NAALADL2: variants seen among roughly 807,000 people sequenced by gnomAD.
The protein encoded by NAALADL2 is N-acetylated alpha-linked acidic dipeptidase like 2.
NAALADL2 carries 76 observed loss-of-function variants against 87.2 expected under a neutral mutation model. That is an observed-to-expected ratio of 0.87 (90% CI 0.72 to 1.05). The LOEUF is 1.05. NAALADL2 is among the 50% of genes least tolerant of loss of function. The pLI is 0.00. For missense variants in NAALADL2, 1,089 were observed against 945.8 expected (o/e 1.15, Z -1.99); for synonymous variants, 354 against 331.0 (o/e 1.07, Z -0.75).
chr3:175,013,719 A>G (rs561319520), intron 1 of NAALADL2, among the ~76,000 whole-genome samples: 3 of 152,016 alleles, frequency 2.0e-5, no homozygotes, highest in Non-Finnish European at 4.4e-5. Context: ...ATGTTTTCTG[A>G]CTTTCTAGTC....
At chr3:175,242,943 G>A (rs746791836) in intron 3 of NAALADL2, among the ~76,000 whole-genome samples, 1 of 152,106 alleles carries the variant, frequency 6.6e-6, no homozygotes, top group Non-Finnish European at 1.5e-5. Flanking sequence ...CTGTAAGATA[G>A]ACTGGAACAA....
intron 9 of NAALADL2, among the ~76,000 whole-genome samples, chr3:175,573,920 A>G (rs1397374653): frequency 1.3e-5 from 2 of 152,344 alleles, no homozygotes; most frequent in South Asian, 4.1e-4. Flanking sequence ...AATCAGCCAA[A>G]ATAGTTGTAA....
intron 2 of NAALADL2, among the ~76,000 whole-genome samples, chr3:174,572,843 G>A (rs73042636): frequency 0.023 from 3,505 of 152,202 alleles, 160 homozygotes; most frequent in African/African-American, 0.08. Flanking sequence ...TAGAATGTTT[G>A]GAATGCAAGG....
rs1439552348 is a variant in NAALADL2, at chr3:175,234,027, T to C, written c.642T>C (p.Phe214=). The C allele has an allele frequency of 6.2e-7, 1 of 1,613,918 alleles. No individual in the cohort carries two copies. Among genetic ancestry groups the C allele is most frequent in the South Asian group, 1.1e-5 (1 of 91,080 alleles). ...CTTTGGGCCTAGAAGATGTACAGTT[T>C]GTAAATTACTCTGTGCTGCTTGATC... The part of the protein sequence containing the change: ...WTSLGLEDVQ[F]VNYSVLLDLP... The change falls in exon 3 of 14, where the codon TTT becomes TTC. Residue 214 remains phenylalanine, a synonymous_variant. Coordinates refer to ENST00000454872, the MANE Select transcript of NAALADL2 (RefSeq NM_207015.3).
In NAALADL2 at chr3:175,257,382, A is replaced by G. The variant is rs376641292; in HGVS notation, c.939+852A>G. On this transcript the variant is annotated intron_variant, in intron 4 of 13. Coordinates refer to ENST00000454872, the MANE Select transcript of NAALADL2 (RefSeq NM_207015.3). ...AACATCCTATGTCTGTTTTTTTTTT[A>G]TTATCTTCCAATAATACTCTTATCC... Among the ~76,000 whole-genome samples the G allele has an allele frequency of 2.9e-5, 4 of 137,634 alleles. No homozygotes were observed. The East Asian group carries it at 8.2e-4, about 28-fold the overall frequency. 90.3% of individuals were successfully genotyped at this position (137,634 alleles called of 152,430 possible). A position where few individuals can be genotyped will look rare whatever the true frequency, so the allele number is the denominator to read the frequency against.
intron 4 of NAALADL2, among the ~76,000 whole-genome samples, chr3:175,288,967 G>A (rs1755312733): frequency 6.6e-6 from 1 of 152,130 alleles, no homozygotes; most frequent in South Asian, 2.1e-4. Context: ...TCTTCCGAAA[G>A]TGATAAAATA....
chr3:175,337,672 G>A (rs76765576), intron 5 of NAALADL2, among the ~76,000 whole-genome samples: 2,358 of 152,230 alleles, frequency 0.015, 21 homozygotes, highest in Non-Finnish European at 0.025. Context: ...ATCTCACTCA[G>A]TATTGTTCTG....
chr3:174,712,188 C>T (rs1200932428), intron 2 of NAALADL2, among the ~76,000 whole-genome samples: 1 of 152,008 alleles, frequency 6.6e-6, no homozygotes, highest in Non-Finnish European at 1.5e-5. Flanking sequence ...TATTGATTCT[C>T]AATATAATCT....
chr3:174,887,779 G>C (rs992623897), intron 1 of NAALADL2, among the ~76,000 whole-genome samples: 2 of 151,220 alleles, frequency 1.3e-5, no homozygotes, highest in African/African-American at 4.9e-5. Context: ...TTGGGCAACA[G>C]AGCGATACCC....
intron 1 of NAALADL2, among the ~76,000 whole-genome samples, chr3:174,464,146 T>G (rs1490196562): frequency 6.6e-6 from 1 of 152,094 alleles, no homozygotes; most frequent in Non-Finnish European, 1.5e-5. Flanking sequence ...ATTATTATTT[T>G]TAAATATTGG....
intron 1 of NAALADL2, among the ~76,000 whole-genome samples, chr3:174,931,026 G>T (rs937215032): frequency 7.4e-4 from 112 of 152,160 alleles, no homozygotes; most frequent in African/African-American, 2.5e-3. Context: ...TCAGGTTCTT[G>T]ATGAGAGGTA....
At chr3:174,734,108 C>T (rs1235437334) in intron 2 of NAALADL2, among the ~76,000 whole-genome samples, 1 of 152,060 alleles carries the variant, frequency 6.6e-6, no homozygotes, top group Non-Finnish European at 1.5e-5. Flanking sequence ...GAGCAGAAAC[C>T]CACATTTGTA....
chr3:175,037,526 G>A (rs143071962), intron 1 of NAALADL2, among the ~76,000 whole-genome samples: 283 of 152,226 alleles, frequency 1.9e-3, no homozygotes, highest in African/African-American at 6.4e-3. Flanking sequence ...ACTAGCTGGG[G>A]TTAACCCTTG....
chr3:175,638,634 T>A (rs1285513261), intron 11 of NAALADL2, among the ~76,000 whole-genome samples: 4 of 152,218 alleles, frequency 2.6e-5, no homozygotes, highest in African/African-American at 9.6e-5. Context: ...CGGTACTAGT[T>A]ATTAGGATCC....
chr3:174,667,939 C>A (rs1726130377), intron 2 of NAALADL2, among the ~76,000 whole-genome samples: 1 of 151,858 alleles, frequency 6.6e-6, no homozygotes, highest in Non-Finnish European at 1.5e-5. Flanking sequence ...TTTGAGAAAT[C>A]TTTATTTTTT....
intron 5 of NAALADL2, among the ~76,000 whole-genome samples, chr3:175,353,108 ATG>A (rs113022824): frequency 0.13 from 19,411 of 144,658 alleles, 1,263 homozygotes; most frequent in Non-Finnish European, 0.16. Context: ...ATTTAATAAA[ATG>A]TGTGTGTGTG....
At chr3:175,562,688 G>T (rs1269328316) in intron 9 of NAALADL2, among the ~76,000 whole-genome samples, 1 of 151,872 alleles carries the variant, frequency 6.6e-6, no homozygotes, top group Non-Finnish European at 1.5e-5. Flanking sequence ...ATTAAAAAAT[G>T]CATGATAGAA....
intron 3 of NAALADL2, among the ~76,000 whole-genome samples, chr3:174,833,142 T>C (rs1488801609): frequency 6.6e-6 from 1 of 152,204 alleles, no homozygotes; most frequent in Non-Finnish European, 1.5e-5. Context: ...TCATTTGTTA[T>C]ATAAGTTCTA....
chr3:174,908,399 A>G (rs1246770738), intron 1 of NAALADL2, among the ~76,000 whole-genome samples: 6 of 152,088 alleles, frequency 3.9e-5, no homozygotes, highest in African/African-American at 1.4e-4. Context: ...ACTGGCCAGT[A>G]TCTTTAAAAT....
Sources: gnomAD v4.1 joint callset for allele counts (sites outside exome capture counted in the v4.1 genomes callset) on GRCh38, gnomAD v4.1.1 for gene constraint, MANE v1.5 for transcripts, NCBI Gene and HGNC (gene_info 2026-07-23, HGNC 2026-07-21) for gene names.